The following RNPEP variants were observed in gnomAD, a reference collection of about 807,000 sequenced individuals.
The protein encoded by RNPEP is arginyl aminopeptidase.
Under a neutral mutation model 70.1 loss-of-function variants are expected in RNPEP, and 57 were observed. The ratio of observed to expected loss-of-function variants is 0.81; its 90% confidence interval spans 0.66 to 1.01. The LOEUF is 1.01. Among genes scored for constraint, RNPEP ranks in the 50% least tolerant of loss-of-function variants. RNPEP has a pLI of 0.00. For synonymous variants in RNPEP, 335 were observed against 357.4 expected, an observed-to-expected ratio of 0.94 and a Z score of 0.71; for missense variants, 787 against 852.4, an observed-to-expected ratio of 0.92 and a Z score of 0.96.
chr1:202,003,048 C>T, intron 8 of RNPEP, 189 bp from the exon 9 acceptor site: 1 of 576,028 alleles, frequency 1.7e-6, no homozygotes, highest in Admixed American at 3.2e-5. Context: ...CGAAACGGCA[C>T]AGTCTCTAGA....
chr1:201,982,813 T>A lies in RNPEP; in HGVS notation c.147T>A (p.Pro49=). ...TGGACCTGCGGGCTGAGTTCGGGCC[T>A]CCAGGGCCCGGCGCAGGGAGCCGGG... The part of the protein sequence containing the change: ...LHLDLRAEFG[P]PGPGAGSRGL... The change falls in exon 1 of 11, where the codon CCT becomes CCA. Residue 49 remains proline, a synonymous_variant. Transcript: ENST00000295640. 1 of 1,333,992 alleles carries A rather than the reference T, an allele frequency of 7.5e-7. No individual in the cohort carries two copies. Among genetic ancestry groups the A allele is most frequent in the Non-Finnish European group, 9.6e-7 (1 of 1,042,194 alleles). The allele number at this position is 1,333,992 out of a possible 1,614,324, so 82.6% of individuals were successfully genotyped here. A position where few individuals can be genotyped will look rare whatever the true frequency, so the allele number is the denominator to read the frequency against.
chr1:202,000,971 C>T (rs1330572172), intron 6 of RNPEP: 2 of 175,954 alleles, frequency 1.1e-5, no homozygotes, highest in Non-Finnish European at 2.3e-5. Flanking sequence ...ATGGAAAAGA[C>T]ACAGCTTGGT....
intron 4 of RNPEP, 172 bp downstream of exon 4, chr1:201,996,435 C>T: frequency 6.4e-6 from 4 of 625,964 alleles, no homozygotes; most frequent in South Asian, 5.4e-5. Flanking sequence ...CTCACTGTTG[C>T]TGAGGAGAGG....
chr1:202,004,504 A>T lies in RNPEP; in HGVS notation c.1794+8A>T. On this transcript the variant is annotated splice_region_variant and intron_variant, in intron 10 of 10. Coordinates refer to ENST00000295640, the MANE Select transcript of RNPEP (RefSeq NM_020216.4). ...GAGTTCCTGCATAACCAGGTGGGTG[A>T]CCCCTGCCTCGCTGTTCCCGAAAGC... 6.2e-7 allele frequency: 1 copy of T among 1,612,610 alleles called. No individual in the cohort carries two copies. Among genetic ancestry groups the T allele is most frequent in the Non-Finnish European group, 8.5e-7 (1 of 1,179,886 alleles).
intron 3 of RNPEP, among the ~76,000 whole-genome samples, chr1:201,989,947 C>T (rs1371033203): frequency 2.6e-5 from 4 of 151,816 alleles, no homozygotes; most frequent in South Asian, 2.1e-4. Flanking sequence ...TGGGTTCAAG[C>T]GATTCTCCTG....
At position 201,982,974 on chromosome 1, in the gene RNPEP, C is replaced by A. The variant is rs1236970471; in HGVS notation, c.308C>A (p.Pro103Gln). The change falls in exon 1 of 11, where the codon CCG (proline) becomes CAG (glutamine). Residue 103 changes from proline (P) to glutamine (Q), a missense_variant. By Grantham distance (76) the Pro-to-Gln change is moderately conservative (BLOSUM62 -1). Transcript: ENST00000295640. ...LRRERPGSEE[P>Q]PAEPVSFYTQ... is the part of the protein sequence containing the mutation. ...CGGGAGCGGCCCGGCTCGGAGGAGCCGCCTGCGGAGCCCGTGAGCTTCTAC... is the reference window on the plus strand; with the variant it reads ...CGGGAGCGGCCCGGCTCGGAGGAGCAGCCTGCGGAGCCCGTGAGCTTCTAC... 5.3e-6 allele frequency: 8 copies of A among 1,509,752 alleles called. No homozygotes were observed. In the African/African-American group the frequency reaches 1.0e-4, roughly 19 times the overall value. The allele number at this position is 1,509,752 out of a possible 1,614,324, so 93.5% of individuals were successfully genotyped here. A position where few individuals can be genotyped will look rare whatever the true frequency, so the allele number is the denominator to read the frequency against.
chr1:201,998,884 G>A (rs1683671381), intron 5 of RNPEP, among the ~76,000 whole-genome samples: 1 of 152,138 alleles, frequency 6.6e-6, no homozygotes. Context: ...AAAATTTGGG[G>A]TTGATAATTT....
intron 8 of RNPEP, chr1:202,002,986 A>G (rs921790271): frequency 2.2e-6 from 1 of 455,782 alleles, no homozygotes; most frequent in African/African-American, 2.0e-5. Context: ...GCATCCACCA[A>G]CTTGGCTCTG....
At chr1:201,997,198 C>T (rs559701659) in intron 4 of RNPEP, 121 bp from the exon 5 acceptor site, 12 of 755,686 alleles carry the variant, frequency 1.6e-5, no homozygotes, top group South Asian at 3.2e-5. Flanking sequence ...GGCCCGAAGT[C>T]GTACTCTGCC....
chr1:201,983,670 T>G, intron 1 of RNPEP: 2 of 1,167,956 alleles, frequency 1.7e-6, no homozygotes, highest in Non-Finnish European at 2.1e-6. Flanking sequence ...TGGATTTGAT[T>G]AACGAAAGAA....
chr1:201,983,896 T>G, intron 1 of RNPEP: 1 of 990,938 alleles, frequency 1.0e-6, no homozygotes, highest in Non-Finnish European at 1.2e-6. Flanking sequence ...TAGAGTTGGT[T>G]GCAAGTTTCA....
chr1:202,001,157 G>A, intron 6 of RNPEP: 1 of 551,182 alleles, frequency 1.8e-6, no homozygotes, highest in East Asian at 3.0e-5. Flanking sequence ...GAGAGATCTT[G>A]GCCTTGAGAT....
At chr1:201,994,001 T>C (rs1304405086) in intron 3 of RNPEP, among the ~76,000 whole-genome samples, 1 of 149,782 alleles carries the variant, frequency 6.7e-6, no homozygotes, top group Non-Finnish European at 1.5e-5. Context: ...GCCATTCGCC[T>C]CAATACGGAT....
chr1:202,000,358 C>A (rs1467621820), intron 6 of RNPEP: 3 of 200,190 alleles, frequency 1.5e-5, no homozygotes. Flanking sequence ...CCTTATTTTA[C>A]AGAGGATGGG....
intron 4 of RNPEP, 133 bp downstream of exon 4, chr1:201,996,396 A>T (rs537932433): frequency 1.4e-6 from 1 of 708,456 alleles, no homozygotes; most frequent in African/African-American, 1.8e-5. Flanking sequence ...GAAGGAGAGG[A>T]GGAAGAGAGG....
intron 1 of RNPEP, among the ~76,000 whole-genome samples, chr1:201,984,305 C>A (rs776462591): frequency 6.6e-6 from 1 of 151,972 alleles, no homozygotes; most frequent in African/African-American, 2.4e-5. Context: ...TTGGTTGGGT[C>A]TGAAAAGGTG....
chr1:201,983,390 A>G, intron 1 of RNPEP: 1 of 1,499,822 alleles, frequency 6.7e-7, no homozygotes, highest in South Asian at 1.2e-5. Flanking sequence ...CTGGCCCTGG[A>G]GGCTTGTCCA....
rs191005646 is a variant in RNPEP at position 201,997,414 on chromosome 1, G to A, written c.950G>A (p.Arg317His). 203 of 1,614,108 alleles carry A rather than the reference G, an allele frequency of 1.3e-4. No homozygotes were observed. Among genetic ancestry groups the A allele is most frequent in the Non-Finnish European group, 1.5e-4 (174 of 1,180,004 alleles). Residue 317 changes from arginine to histidine, a missense_variant, in exon 5 of 11, where the codon CGC becomes CAC. Arg to His is a conservative substitution (Grantham distance 29). Transcript: ENST00000295640. Reference protein sequence around the residue: ...FVTPCLLAGDRSLADVIIHEI... With the variant: ...FVTPCLLAGDHSLADVIIHEI... ...ACCCCCTGCCTGCTAGCTGGGGACCGCTCCTTGGCAGATGTCATCATCCAT... is the reference window on the plus strand; with the variant it reads ...ACCCCCTGCCTGCTAGCTGGGGACCACTCCTTGGCAGATGTCATCATCCAT...
At chr1:201,999,729 G>C (rs1420719272) in intron 5 of RNPEP, among the ~76,000 whole-genome samples, 173 bp from the exon 6 acceptor site, 1 of 152,132 alleles carries the variant, frequency 6.6e-6, no homozygotes, top group Non-Finnish European at 1.5e-5. Flanking sequence ...CAGGCTCTCT[G>C]TAACTGTCCC....
Sources: gnomAD v4.1 joint callset for allele counts (sites outside exome capture counted in the v4.1 genomes callset) on GRCh38, gnomAD v4.1.1 for gene constraint, MANE v1.5 for transcripts, NCBI Gene and HGNC (gene_info 2026-07-23, HGNC 2026-07-21) for gene names.